TMEM132B: variants seen among roughly 807,000 people sequenced by gnomAD.
TMEM132B encodes the protein transmembrane protein 132B.
Under a neutral mutation model 90.8 loss-of-function variants are expected in TMEM132B, and 18 were observed. The ratio of observed to expected loss-of-function variants is 0.20; its 90% CI spans 0.14 to 0.29. The LOEUF (loss-of-function observed/expected upper bound fraction) is 0.29. TMEM132B is among the 10% of genes least tolerant of loss of function. The pLI, the probability that TMEM132B is intolerant of heterozygous loss-of-function variation, is 1.00. For missense variants in TMEM132B, 1,096 were observed against 1,326.8 expected, an observed-to-expected ratio of 0.83 and a Z score of 2.70; for synonymous variants, 504 against 523.3, an observed-to-expected ratio of 0.96 and a Z score of 0.50.
In TMEM132B at chr12:125,543,208, A is replaced by G. The variant is rs112857114; in HGVS notation, c.1293+23583A>G. 2.3e-3 allele frequency among the ~76,000 whole-genome samples: 351 copies of G among 152,288 alleles called. 1 individual carries two copies. The highest frequency in any genetic ancestry group is 8.0e-3 in the African/African-American group (333 of 41,552). Reference sequence around the variant, plus strand: ...TGACCCCTATCATACTTATAGCTTAAAAATTCAGTTATATGATAATGCAGT... The same window carrying G: ...TGACCCCTATCATACTTATAGCTTAGAAATTCAGTTATATGATAATGCAGT... On this transcript the variant is annotated intron_variant, in intron 4 of 8. Transcript: ENST00000682704.
rs1877495142 is a variant in TMEM132B at position 125,349,738 on chromosome 12, A to G, written c.354A>G (p.Lys118=). ...LTSTAFGNMD[K]FPFNWKLKSH... ...CTACAGCCTTTGGAAACATGGACAAATTTCCCTTCAACTGGAAATTGAAAT... is the reference window on the plus strand; with the variant it reads ...CTACAGCCTTTGGAAACATGGACAAGTTTCCCTTCAACTGGAAATTGAAAT... The change falls in exon 2 of 9, where the codon AAA becomes AAG. Residue 118 remains lysine, a synonymous_variant. Coordinates refer to ENST00000682704, the MANE Select transcript of TMEM132B (RefSeq NM_001366854.1). The surrounding 1 kb of genome is among the most constrained non-coding windows in gnomAD (Gnocchi z 4.1). The G allele has an allele frequency of 6.2e-7, 1 of 1,614,152 alleles. No homozygotes were observed. Among genetic ancestry groups the G allele is most frequent in the East Asian group, 2.2e-5 (1 of 44,882 alleles).
intron 5 of TMEM132B, among the ~76,000 whole-genome samples, chr12:125,599,712 T>C (rs1885527414): frequency 1.3e-5 from 2 of 152,180 alleles, no homozygotes; most frequent in Admixed American, 6.5e-5. Flanking sequence ...TCGAATGTGT[T>C]CTCAAACTTA....
At chr12:125,550,234 A>G (rs1884190214) in intron 4 of TMEM132B, among the ~76,000 whole-genome samples, 1 of 152,182 alleles carries the variant, frequency 6.6e-6, no homozygotes, top group African/African-American at 2.4e-5. Flanking sequence ...GGCTGCAGCC[A>G]TACCCACTCA....
intron 1 of TMEM132B, among the ~76,000 whole-genome samples, chr12:125,204,935 G>A (rs55843433): frequency 0.28 from 34,632 of 121,760 alleles, 4,808 homozygotes; most frequent in African/African-American, 0.38. Flanking sequence ...CCCTTTGTGT[G>A]GAGTATCTCA....
At chr12:125,448,030 C>G (rs1425727031) in intron 3 of TMEM132B, among the ~76,000 whole-genome samples, 1 of 152,158 alleles carries the variant, frequency 6.6e-6, no homozygotes, top group African/African-American at 2.4e-5. Flanking sequence ...CTTTGGAAGG[C>G]CAAGGCATGT....
At chr12:125,524,184 C>T (rs1002060868) in intron 4 of TMEM132B, among the ~76,000 whole-genome samples, 3 of 152,224 alleles carry the variant, frequency 2.0e-5, no homozygotes, top group African/African-American at 7.2e-5. Flanking sequence ...GTCTACTTCA[C>T]AGTGGTGTCA....
intron 5 of TMEM132B, among the ~76,000 whole-genome samples, chr12:125,591,824 T>C (rs752696381): frequency 1.4e-4 from 22 of 152,174 alleles, no homozygotes; most frequent in Non-Finnish European, 2.8e-4. Context: ...CCTCTTTTCT[T>C]ATAAGGGTAC....
chr12:125,622,294 A>G (rs1017367757), intron 5 of TMEM132B, among the ~76,000 whole-genome samples: 1 of 152,238 alleles, frequency 6.6e-6, no homozygotes, highest in African/African-American at 2.4e-5. Context: ...GATTACCTGC[A>G]TTAGATAAGT....
At chr12:125,331,092 G>C (rs758246706) in intron 1 of TMEM132B, among the ~76,000 whole-genome samples, 6 of 152,222 alleles carry the variant, frequency 3.9e-5, no homozygotes, top group Non-Finnish European at 8.8e-5. Flanking sequence ...GGCGGCCACT[G>C]GGTGGCGGTG....
At chr12:125,332,681 T>A (rs1876821861) in intron 1 of TMEM132B, among the ~76,000 whole-genome samples, 1 of 142,518 alleles carries the variant, frequency 7.0e-6, no homozygotes, top group African/African-American at 2.6e-5. Context: ...TTCAACAGGA[T>A]TGTAAAAGGG....
chr12:125,515,279 CAA>C (rs1204068541), intron 3 of TMEM132B, among the ~76,000 whole-genome samples: 3 of 151,720 alleles, frequency 2.0e-5, no homozygotes, highest in East Asian at 2.0e-4. Flanking sequence ...CACTCACACA[CAA>C]ATTCTCTCAC....
chr12:125,242,349 C>T (rs1439691940), intron 1 of TMEM132B, among the ~76,000 whole-genome samples: 1 of 152,166 alleles, frequency 6.6e-6, no homozygotes, highest in Non-Finnish European at 1.5e-5. Context: ...TAATGTCTTG[C>T]TATGTTTTCC....
chr12:125,208,252 A>G (rs1873229078), intron 1 of TMEM132B, among the ~76,000 whole-genome samples: 1 of 152,248 alleles, frequency 6.6e-6, no homozygotes, highest in Non-Finnish European at 1.5e-5. Context: ...GGGCAGGGCC[A>G]TGTGGACTAA....
intron 1 of TMEM132B, among the ~76,000 whole-genome samples, chr12:125,217,191 T>C (rs1873457031): frequency 6.6e-6 from 1 of 152,216 alleles, no homozygotes; most frequent in Non-Finnish European, 1.5e-5. Context: ...TTCAGGGCAC[T>C]TGGAGTTCAT....
rs949182803 is a variant in TMEM132B at position 125,349,591 on chromosome 12, C to T, written c.207C>T (p.Ser69=). The change falls in exon 2 of 9, where the codon TCC becomes TCT. Residue 69 remains serine, a synonymous_variant. Coordinates refer to ENST00000682704, the MANE Select transcript of TMEM132B (RefSeq NM_001366854.1). This position sits in a 1 kb window ranked among gnomAD's most constrained non-coding sequence, Gnocchi z 4.1. The part of the protein sequence containing the change: ...KEANQDLTRN[S]SLQARVEPFF... ...CCAACCAAGACCTCACAAGGAACTC[C>T]AGTCTGCAGGCCCGGGTGGAGCCAT... 5.0e-6 allele frequency: 8 copies of T among 1,614,178 alleles called. No homozygotes were observed. The Middle Eastern group carries it at 4.9e-4, about 100-fold the overall frequency.
At chr12:125,249,936 C>T (rs1364370455) in intron 1 of TMEM132B, among the ~76,000 whole-genome samples, 1 of 152,220 alleles carries the variant, frequency 6.6e-6, no homozygotes, top group African/African-American at 2.4e-5. Context: ...GGTTACCAGT[C>T]TGGGGGACAG....
chr12:125,205,569 A>T lies in TMEM132B; in HGVS notation c.67+18703A>T, dbSNP rs544567765. ...ATGAATCCTTTCAGCAACCCTGTAG[A>T]CAAGGAGCCTGAGGCTGAGGGAGGG... On this transcript the variant is annotated intron_variant, in intron 1 of 8. Coordinates refer to ENST00000682704, the MANE Select transcript of TMEM132B (RefSeq NM_001366854.1). Among the ~76,000 whole-genome samples the T allele has an allele frequency of 1.6e-3, 246 of 152,334 alleles. 1 individual carries two copies. The highest frequency in any genetic ancestry group is 0.014 in the Middle Eastern group (4 of 294).
chr12:125,514,820 G>A (rs1219487135), intron 3 of TMEM132B, among the ~76,000 whole-genome samples: 1 of 152,134 alleles, frequency 6.6e-6, no homozygotes. Flanking sequence ...GCCGCATGTG[G>A]TCCTGGGGAC....
chr12:125,347,233 T>C (rs1287026202), intron 1 of TMEM132B, among the ~76,000 whole-genome samples: 1 of 152,222 alleles, frequency 6.6e-6, no homozygotes, highest in East Asian at 1.9e-4. Flanking sequence ...ATTGTCCCTG[T>C]AATATTTTTA....
Sources: gnomAD v4.1 joint callset for allele counts (sites outside exome capture counted in the v4.1 genomes callset) on GRCh38, gnomAD v4.1.1 for gene constraint, Gnocchi (gnomAD v3.1) non-coding constraint, MANE v1.5 for transcripts, NCBI Gene and HGNC (gene_info 2026-07-23, HGNC 2026-07-21) for gene names.